PRELID2: variants seen among roughly 807,000 people sequenced by gnomAD.
PRELID2 encodes the protein PRELI domain-containing protein 2.
In PRELID2, 25 loss-of-function variants were observed where a neutral mutation model predicts 28.4. The ratio of observed to expected loss-of-function variants is 0.88; its 90% CI spans 0.64 to 1.23. PRELID2 has a LOEUF of 1.23. Ranked by LOEUF, PRELID2 falls within the 50% of genes most tolerant of loss-of-function variation. The pLI is 0.00. For synonymous variants in PRELID2, 76 were observed against 71.6 expected, an observed-to-expected ratio of 1.06 and a Z score of -0.31; for missense variants, 201 against 214.4, an observed-to-expected ratio of 0.94 and a Z score of 0.39.
At chr5:145,804,514 A>G (rs1286609386) in intron 4 of PRELID2, among the ~76,000 whole-genome samples, 1 of 152,328 alleles carries the variant, frequency 6.6e-6, no homozygotes, top group African/African-American at 2.4e-5. Flanking sequence ...TGCCTCAAAA[A>G]AGAAAAGAAT....
the PRELID2 span, among the ~76,000 whole-genome samples, chr5:145,395,743 A>C: frequency 6.6e-6 from 1 of 152,026 alleles, no homozygotes; most frequent in Admixed American, 6.6e-5. Flanking sequence ...CACAAAAAAA[A>C]CAAAAAAGAC....
chr5:145,790,113 A>G (rs1160363388), intron 5 of PRELID2, among the ~76,000 whole-genome samples: 1 of 152,206 alleles, frequency 6.6e-6, no homozygotes, highest in Admixed American at 6.5e-5. Flanking sequence ...ACAAAATAGA[A>G]CTACCATATG....
chr5:145,522,694 C>A (rs749069065), intron 1 of PRELID2, among the ~76,000 whole-genome samples: 1 of 151,832 alleles, frequency 6.6e-6, no homozygotes. Context: ...TCAAACCACA[C>A]GACATTGCTG....
At chr5:145,788,309 C>T (rs1371216904) in intron 5 of PRELID2, among the ~76,000 whole-genome samples, 1 of 152,234 alleles carries the variant, frequency 6.6e-6, no homozygotes, top group Non-Finnish European at 1.5e-5. Context: ...TTTAGCATGA[C>T]TTGAGATAAG....
At chr5:145,232,146 G>A in the PRELID2 span, among the ~76,000 whole-genome samples, 1 of 152,140 alleles carries the variant, frequency 6.6e-6, no homozygotes, top group Non-Finnish European at 1.5e-5. Context: ...ACGCCTTAGT[G>A]AGATGTCTAG....
At chr5:145,677,949 A>AT (rs2149687107) in intron 1 of PRELID2, among the ~76,000 whole-genome samples, 1 of 152,322 alleles carries the variant, frequency 6.6e-6, no homozygotes, top group East Asian at 1.9e-4. Flanking sequence ...GTAACCATAT[A>AT]TTTGTAAATC....
chr5:145,490,743 T>C (rs940546637), intron 1 of PRELID2, among the ~76,000 whole-genome samples: 5 of 152,140 alleles, frequency 3.3e-5, no homozygotes, highest in Admixed American at 3.3e-4. Context: ...CTAAAGAAAA[T>C]AAAACAGGAT....
At chr5:145,490,842 A>T (rs534594789) in intron 1 of PRELID2, among the ~76,000 whole-genome samples, 1 of 152,172 alleles carries the variant, frequency 6.6e-6, no homozygotes, top group Non-Finnish European at 1.5e-5. Flanking sequence ...ACAACGACTA[A>T]CTAAAGCTGA....
At chr5:145,687,208 A>G (rs2149693060) in intron 1 of PRELID2, among the ~76,000 whole-genome samples, 1 of 152,288 alleles carries the variant, frequency 6.6e-6, no homozygotes, top group South Asian at 2.1e-4. Context: ...CTGGGGATGA[A>G]ACTATGGGGG....
chr5:145,391,617 C>T, the PRELID2 span, among the ~76,000 whole-genome samples: 1 of 151,992 alleles, frequency 6.6e-6, no homozygotes, highest in Non-Finnish European at 1.5e-5. Flanking sequence ...TGGTGATTAA[C>T]ATTCAACTCC....
At chr5:145,492,093 A>T (rs1020623711) in intron 1 of PRELID2, among the ~76,000 whole-genome samples, 9 of 151,964 alleles carry the variant, frequency 5.9e-5, no homozygotes, top group Non-Finnish European at 1.2e-4. Flanking sequence ...TCTATTTTTA[A>T]TTTTTTGAGA....
At chr5:145,618,843 G>A (rs1230768722) in intron 1 of PRELID2, among the ~76,000 whole-genome samples, 1 of 152,100 alleles carries the variant, frequency 6.6e-6, no homozygotes, top group Non-Finnish European at 1.5e-5. Context: ...ACCCTCCTTG[G>A]GTGGGTCTTG....
At chr5:145,623,976 G>A (rs1581009974) in intron 1 of PRELID2, among the ~76,000 whole-genome samples, 1 of 151,810 alleles carries the variant, frequency 6.6e-6, no homozygotes, top group East Asian at 1.9e-4. Context: ...TACGTCAGAT[G>A]ACCAGCTGTA....
At chr5:145,635,234 G>C in intron 1 of PRELID2, among the ~76,000 whole-genome samples, 1 of 152,044 alleles carries the variant, frequency 6.6e-6, no homozygotes, top group East Asian at 1.9e-4. Flanking sequence ...ATTCCTTAAG[G>C]ACAACAGTTT....
chr5:145,367,873 T>C, the PRELID2 span, among the ~76,000 whole-genome samples: 1 of 151,962 alleles, frequency 6.6e-6, no homozygotes, highest in African/African-American at 2.4e-5. Flanking sequence ...TTGATTGCTT[T>C]ATGAATAAAG....
the PRELID2 span, among the ~76,000 whole-genome samples, chr5:145,445,183 A>G: frequency 1.3e-5 from 2 of 152,080 alleles, no homozygotes; most frequent in Non-Finnish European, 2.9e-5. Flanking sequence ...AAAAACAGAC[A>G]CATAGACTAA....
chr5:145,595,570 G>A (rs1753293296), intron 1 of PRELID2, among the ~76,000 whole-genome samples: 1 of 152,138 alleles, frequency 6.6e-6, no homozygotes, highest in Admixed American at 6.5e-5. Flanking sequence ...CAGTATTGTA[G>A]TGTATGCCAT....
At chr5:145,625,737 A>C (rs943425312) in intron 1 of PRELID2, among the ~76,000 whole-genome samples, 2 of 152,174 alleles carry the variant, frequency 1.3e-5, no homozygotes, top group African/African-American at 4.8e-5. Context: ...AGAAAATGGA[A>C]AACTGTGGTT....
At chr5:145,341,828 A>G in the PRELID2 span, among the ~76,000 whole-genome samples, 1 of 152,212 alleles carries the variant, frequency 6.6e-6, no homozygotes, top group African/African-American at 2.4e-5. Flanking sequence ...AAAGATTAGA[A>G]CATTTATTTA....
Sources: allele counts gnomAD v4.1 joint callset (sites outside exome capture counted in the v4.1 genomes callset), GRCh38; gene constraint gnomAD v4.1.1; transcripts MANE v1.5; gene names NCBI Gene and HGNC (gene_info 2026-07-23, HGNC 2026-07-21).